The following ERBB4 variants were observed in gnomAD, a reference collection of about 807,000 sequenced individuals.
ERBB4 encodes the protein receptor tyrosine-protein kinase erbB-4.
A neutral mutation model predicts 158.0 loss-of-function variants in ERBB4; 42 were observed. The ratio of observed to expected loss-of-function variants is 0.27; its 90% confidence interval spans 0.21 to 0.34. The LOEUF (loss-of-function observed/expected upper bound fraction) is 0.34. Ranked by LOEUF, ERBB4 falls within the 10% of genes least tolerant of loss-of-function variation. The pLI is 1.00. For missense variants in ERBB4, 1,333 were observed against 1,624.1 expected, an observed-to-expected ratio of 0.82 and a Z score of 3.08; for synonymous variants, 583 against 558.7, an observed-to-expected ratio of 1.04 and a Z score of -0.61.
At chr2:212,164,875 G>C (rs145330609) in intron 1 of ERBB4, among the ~76,000 whole-genome samples, 146 of 152,090 alleles carry the variant, frequency 9.6e-4, no homozygotes, top group Middle Eastern at 3.4e-3. Flanking sequence ...GCTTGTGCTT[G>C]AGTGTGTATA....
At chr2:211,755,331 G>A (rs1294603586) in intron 4 of ERBB4, among the ~76,000 whole-genome samples, 1 of 151,958 alleles carries the variant, frequency 6.6e-6, no homozygotes, top group Non-Finnish European at 1.5e-5. Context: ...GCAAAACCCG[G>A]CCTCTACAAA....
chr2:211,566,748 TAATTA>T (rs1366091820), intron 19 of ERBB4, among the ~76,000 whole-genome samples: 2 of 152,208 alleles, frequency 1.3e-5, no homozygotes, highest in Non-Finnish European at 2.9e-5. Flanking sequence ...ATCATTAATT[TAATTA>T]TATATTTAAT....
At chr2:212,300,822 C>A (rs902796192) in intron 1 of ERBB4, among the ~76,000 whole-genome samples, 6 of 151,408 alleles carry the variant, frequency 4.0e-5, no homozygotes, top group African/African-American at 1.2e-4. Context: ...CTTTAATGTG[C>A]AAATATCACT....
At chr2:211,974,652 G>T (rs2081552515) in intron 2 of ERBB4, among the ~76,000 whole-genome samples, 3 of 152,138 alleles carry the variant, frequency 2.0e-5, no homozygotes, top group Admixed American at 6.5e-5. Flanking sequence ...TACTTTGGGA[G>T]GCTGAGGTGG....
intron 1 of ERBB4, among the ~76,000 whole-genome samples, chr2:212,439,352 G>GT (rs2092204884): frequency 6.6e-6 from 1 of 152,030 alleles, no homozygotes; most frequent in Non-Finnish European, 1.5e-5. Flanking sequence ...ACTTTATCAG[G>GT]TTTTCCATTA....
chr2:211,735,976 G>A (rs2074585383), intron 5 of ERBB4, among the ~76,000 whole-genome samples: 1 of 151,162 alleles, frequency 6.6e-6, no homozygotes, highest in African/African-American at 2.4e-5. Context: ...AACATAATGA[G>A]ACCTTGTCTC....
chr2:212,179,119 C>G (rs893252678), intron 1 of ERBB4, among the ~76,000 whole-genome samples: 1 of 151,502 alleles, frequency 6.6e-6, no homozygotes, highest in African/African-American at 2.4e-5. Context: ...AATCATTATA[C>G]TGGAGTATGT....
chr2:212,176,907 C>T (rs2125682239), intron 1 of ERBB4, among the ~76,000 whole-genome samples: 1 of 151,934 alleles, frequency 6.6e-6, no homozygotes, highest in East Asian at 1.9e-4. Context: ...ATGGCAGGTA[C>T]TCATGAAGTT....
At chr2:211,633,990 C>G (rs2070254046) in intron 16 of ERBB4, among the ~76,000 whole-genome samples, 2 of 152,316 alleles carry the variant, frequency 1.3e-5, no homozygotes, top group African/African-American at 4.8e-5. Context: ...GAAACCCCAT[C>G]TCTACTAAAA....
intron 2 of ERBB4, among the ~76,000 whole-genome samples, chr2:211,983,864 T>C (rs1391716077): frequency 1.3e-5 from 2 of 152,228 alleles, no homozygotes; most frequent in South Asian, 2.1e-4. Context: ...AATGATAATG[T>C]ATAAAAATGT....
chr2:212,129,023 A>G (rs1019002323), intron 1 of ERBB4, among the ~76,000 whole-genome samples: 3 of 152,096 alleles, frequency 2.0e-5, no homozygotes, highest in Non-Finnish European at 4.4e-5. Context: ...AAAAGGTATT[A>G]TTATATGGGT....
intron 2 of ERBB4, among the ~76,000 whole-genome samples, chr2:211,987,854 A>C (rs937345557): frequency 1.3e-5 from 2 of 152,180 alleles, no homozygotes; most frequent in Admixed American, 6.5e-5. Context: ...ACATTGTAAG[A>C]GGAAGTTTTT....
At chr2:211,984,491 T>C (rs2081888224) in intron 2 of ERBB4, among the ~76,000 whole-genome samples, 1 of 152,198 alleles carries the variant, frequency 6.6e-6, no homozygotes, top group Non-Finnish European at 1.5e-5. Flanking sequence ...AAAGTAACAC[T>C]AATCTAAACC....
intron 6 of ERBB4, among the ~76,000 whole-genome samples, chr2:211,724,735 C>T (rs1042266038): frequency 7.9e-5 from 12 of 151,888 alleles, no homozygotes; most frequent in Admixed American, 1.3e-4. Flanking sequence ...GCAATTGCTC[C>T]CACTTGCAGA....
intron 1 of ERBB4, among the ~76,000 whole-genome samples, chr2:212,145,973 C>T (rs987819291): frequency 1.6e-4 from 24 of 152,094 alleles, no homozygotes; most frequent in Non-Finnish European, 2.9e-4. Context: ...TCCTGTCCCC[C>T]TAAGGGCCCA....
chr2:212,511,063 C>A (rs924068171), intron 1 of ERBB4, among the ~76,000 whole-genome samples: 2 of 151,926 alleles, frequency 1.3e-5, no homozygotes, highest in African/African-American at 2.4e-5. Context: ...CTCAAAAAAA[C>A]GGATATTTTA....
intron 1 of ERBB4, among the ~76,000 whole-genome samples, chr2:212,156,211 G>T (rs144341850): frequency 2.6e-4 from 40 of 152,120 alleles, no homozygotes; most frequent in African/African-American, 8.9e-4. Flanking sequence ...ACATATATGT[G>T]GGAGCGTAAA....
intron 2 of ERBB4, among the ~76,000 whole-genome samples, chr2:212,013,231 A>T (rs2076433995): frequency 6.6e-6 from 1 of 151,802 alleles, no homozygotes; most frequent in South Asian, 2.1e-4. Flanking sequence ...TAATTTTTGT[A>T]TTTTTACCTG....
intron 2 of ERBB4, among the ~76,000 whole-genome samples, chr2:212,050,161 T>C (rs1263247771): frequency 6.6e-6 from 1 of 152,114 alleles, no homozygotes; most frequent in Non-Finnish European, 1.5e-5. Context: ...TCTTTTTTTT[T>C]CCTTTCTATG....
Sources: allele counts gnomAD v4.1 joint callset (sites outside exome capture counted in the v4.1 genomes callset), GRCh38; gene constraint gnomAD v4.1.1; transcripts MANE v1.5; gene names NCBI Gene and HGNC (gene_info 2026-07-23, HGNC 2026-07-21).